LRRC4C: variants seen among roughly 807,000 people sequenced by gnomAD.
LRRC4C encodes leucine-rich repeat-containing protein 4C.
A neutral mutation model predicts 33.6 loss-of-function variants in LRRC4C; 5 were observed. The ratio of observed to expected loss-of-function variants is 0.15; its 90% CI spans 0.08 to 0.31. The LOEUF (loss-of-function observed/expected upper bound fraction) is 0.31. Among genes scored for constraint, LRRC4C ranks in the 10% least tolerant of loss-of-function variants. LRRC4C has a pLI of 1.00. For synonymous variants in LRRC4C, 329 were observed against 302.0 expected (o/e 1.09, Z -0.93); for missense variants, 560 against 796.7 (o/e 0.70, Z 3.58).
At chr11:40,411,206 G>T (rs1390247950) in intron 3 of LRRC4C, among the ~76,000 whole-genome samples, 3 of 152,038 alleles carry the variant, frequency 2.0e-5, no homozygotes, top group Admixed American at 2.0e-4. Context: ...GACATCTGGA[G>T]CATTAAAAGA....
chr11:41,031,292 T>C (rs1253707923), intron 1 of LRRC4C, among the ~76,000 whole-genome samples: 1 of 151,974 alleles, frequency 6.6e-6, no homozygotes, highest in East Asian at 1.9e-4. Context: ...CTATCTGGAC[T>C]ATAGACTCTT....
intron 4 of LRRC4C, among the ~76,000 whole-genome samples, chr11:40,253,340 G>A (rs1226624897): frequency 6.6e-6 from 1 of 152,102 alleles, no homozygotes; most frequent in East Asian, 1.9e-4. Context: ...TTGTTTGTTT[G>A]TTTACTTGGT....
At chr11:41,151,177 C>A (rs1943983099) in intron 1 of LRRC4C, among the ~76,000 whole-genome samples, 1 of 152,136 alleles carries the variant, frequency 6.6e-6, no homozygotes, top group African/African-American at 2.4e-5. Context: ...TTTTGCTACC[C>A]ATTAATGCCA....
chr11:41,303,995 TG>T (rs1436644350), intron 1 of LRRC4C, among the ~76,000 whole-genome samples: 9 of 40,774 alleles, frequency 2.2e-4, no homozygotes, highest in South Asian at 9.3e-4. Context: ...GGGAGGGAGG[TG>T]GGGGGGGTCA....
chr11:41,140,054 T>A (rs747162100), intron 1 of LRRC4C, among the ~76,000 whole-genome samples: 6 of 152,192 alleles, frequency 3.9e-5, no homozygotes, highest in Non-Finnish European at 5.9e-5. Flanking sequence ...AAAGTGGAAT[T>A]TGAATGTTTG....
chr11:41,051,309 T>C (rs778347839), intron 1 of LRRC4C, among the ~76,000 whole-genome samples: 3 of 152,108 alleles, frequency 2.0e-5, no homozygotes, highest in Admixed American at 6.5e-5. Flanking sequence ...AGGTGAACGA[T>C]GAATACAATA....
At chr11:40,325,182 G>T (rs1373625626) in intron 3 of LRRC4C, among the ~76,000 whole-genome samples, 1 of 152,114 alleles carries the variant, frequency 6.6e-6, no homozygotes, top group Non-Finnish European at 1.5e-5. Flanking sequence ...ACATATTCAC[G>T]CCATTTCCTA....
chr11:40,617,794 A>G (rs16934985), intron 3 of LRRC4C, among the ~76,000 whole-genome samples: 46,853 of 151,574 alleles, frequency 0.31, 7,568 homozygotes, highest in African/African-American at 0.39. Flanking sequence ...TCAACATCTT[A>G]ACCATTTTAG....
chr11:40,451,449 G>T (rs1313814276), intron 3 of LRRC4C, among the ~76,000 whole-genome samples: 1 of 122,824 alleles, frequency 8.1e-6, no homozygotes. Flanking sequence ...GCAGTGGCCT[G>T]ATCTCTGCTC....
At chr11:41,297,875 A>G (rs1304806875) in intron 1 of LRRC4C, among the ~76,000 whole-genome samples, 1 of 151,994 alleles carries the variant, frequency 6.6e-6, no homozygotes, top group Non-Finnish European at 1.5e-5. Flanking sequence ...GATTGACAGG[A>G]CCCCCAAAGC....
At chr11:40,746,393 G>A (rs1948423289) in intron 2 of LRRC4C, among the ~76,000 whole-genome samples, 2 of 152,186 alleles carry the variant, frequency 1.3e-5, no homozygotes, top group South Asian at 4.1e-4. Flanking sequence ...AGAAGCAAGC[G>A]AAGCACAGGC....
intron 3 of LRRC4C, among the ~76,000 whole-genome samples, chr11:40,606,931 A>G (rs1003642849): frequency 6.6e-6 from 1 of 152,240 alleles, no homozygotes; most frequent in African/African-American, 2.4e-5. Flanking sequence ...TAATAGTCAA[A>G]GATAATGAGA....
chr11:40,901,980 ATCTCTC>A (rs140194267), intron 2 of LRRC4C, among the ~76,000 whole-genome samples: 1 of 122,484 alleles, frequency 8.2e-6, no homozygotes, highest in Non-Finnish European at 1.8e-5. Flanking sequence ...AGAAAAGACA[ATCTCTC>A]TCTCTCTCTC....
intron 3 of LRRC4C, among the ~76,000 whole-genome samples, chr11:40,564,589 C>T (rs1383113505): frequency 2.0e-5 from 3 of 152,144 alleles, no homozygotes; most frequent in African/African-American, 7.2e-5. Flanking sequence ...TCCAATCATA[C>T]ACTCTTGGAT....
chr11:40,741,820 A>G (rs1948168416), intron 2 of LRRC4C, among the ~76,000 whole-genome samples: 1 of 152,020 alleles, frequency 6.6e-6, no homozygotes, highest in East Asian at 1.9e-4. Context: ...ATTGATTACC[A>G]AATCAGGCAT....
At chr11:40,956,086 A>G (rs965645309) in intron 1 of LRRC4C, among the ~76,000 whole-genome samples, 2 of 151,788 alleles carry the variant, frequency 1.3e-5, no homozygotes, top group Admixed American at 1.3e-4. Flanking sequence ...TAGATGAGAA[A>G]GCGAGGTTGA....
chr11:40,677,815 A>G (rs1944479321), intron 2 of LRRC4C, among the ~76,000 whole-genome samples: 2 of 152,222 alleles, frequency 1.3e-5, no homozygotes, highest in South Asian at 2.1e-4. Context: ...GATTACAAGG[A>G]CATCTCTTAA....
intron 1 of LRRC4C, among the ~76,000 whole-genome samples, chr11:41,173,456 T>C (rs531234482): frequency 1.3e-5 from 2 of 152,306 alleles, no homozygotes; most frequent in Non-Finnish European, 2.9e-5. Flanking sequence ...ATCAGCCCTA[T>C]TGAATGACTG....
intron 1 of LRRC4C, among the ~76,000 whole-genome samples, chr11:41,222,407 T>C (rs980257901): frequency 2.0e-5 from 3 of 152,052 alleles, no homozygotes; most frequent in African/African-American, 7.2e-5. Flanking sequence ...ATGCAGAAGA[T>C]AGAAAAACTG....
Sources: gnomAD v4.1 joint callset for allele counts (sites outside exome capture counted in the v4.1 genomes callset) on GRCh38, gnomAD v4.1.1 for gene constraint, MANE v1.5 for transcripts, NCBI Gene and HGNC (gene_info 2026-07-23, HGNC 2026-07-21) for gene names.